Variants in AFG2A observed in about 807,000 individuals in gnomAD.
AFG2A encodes the protein ATPase family gene 2 protein homolog A.
At chr4:123,030,319 A>G in the AFG2A span, among the ~76,000 whole-genome samples, 1 of 152,338 alleles carries the variant, frequency 6.6e-6, no homozygotes, top group South Asian at 2.1e-4. Context: ...TTTCTGGACT[A>G]TCCTAGAATT....
the AFG2A span, among the ~76,000 whole-genome samples, chr4:123,045,834 G>A: frequency 6.6e-6 from 1 of 152,052 alleles, no homozygotes; most frequent in African/African-American, 2.4e-5. Context: ...GGTGGTTCAT[G>A]CCTGTAATCC....
chr4:123,086,794 A>C, the AFG2A span, among the ~76,000 whole-genome samples: 5 of 152,232 alleles, frequency 3.3e-5, no homozygotes, highest in African/African-American at 9.6e-5. Flanking sequence ...CCGTAAGTGC[A>C]GAGATTCTTT....
At chr4:123,220,875 ATGTTTT>A in the AFG2A span, among the ~76,000 whole-genome samples, 334 of 152,296 alleles carry the variant, frequency 2.2e-3, 2 homozygotes, top group Middle Eastern at 0.014. Flanking sequence ...AGATTGGCAC[ATGTTTT>A]TATGAGGTTA....
the AFG2A span, among the ~76,000 whole-genome samples, chr4:122,937,545 T>C: frequency 6.6e-6 from 1 of 152,110 alleles, no homozygotes; most frequent in Non-Finnish European, 1.5e-5. Context: ...CCAATGATAG[T>C]AGATGAAGTA....
the AFG2A span, among the ~76,000 whole-genome samples, chr4:123,282,545 A>T: frequency 1.3e-5 from 2 of 152,178 alleles, no homozygotes; most frequent in Non-Finnish European, 2.9e-5. Flanking sequence ...GGAAGTATCA[A>T]TTCGTGTTTT....
At chr4:122,975,220 C>T in the AFG2A span, among the ~76,000 whole-genome samples, 5 of 152,118 alleles carry the variant, frequency 3.3e-5, no homozygotes, top group African/African-American at 1.2e-4. Flanking sequence ...CAAGATGGTG[C>T]CTTGAATGCC....
the AFG2A span, among the ~76,000 whole-genome samples, chr4:123,293,946 G>A: frequency 6.6e-6 from 1 of 152,180 alleles, no homozygotes; most frequent in African/African-American, 2.4e-5. Flanking sequence ...TGAACTCTGT[G>A]ATAGGCTCTA....
At chr4:123,031,843 G>A in the AFG2A span, among the ~76,000 whole-genome samples, 1 of 152,210 alleles carries the variant, frequency 6.6e-6, no homozygotes, top group Non-Finnish European at 1.5e-5. Context: ...ACTGTACTCA[G>A]GGTGGAGACT....
At chr4:123,142,547 A>T in the AFG2A span, among the ~76,000 whole-genome samples, 1 of 152,190 alleles carries the variant, frequency 6.6e-6, no homozygotes, top group South Asian at 2.1e-4. Context: ...ATTTCCAAGG[A>T]ATCTATTCAT....
At chr4:123,093,738 A>G in the AFG2A span, among the ~76,000 whole-genome samples, 1 of 152,106 alleles carries the variant, frequency 6.6e-6, no homozygotes, top group African/African-American at 2.4e-5. Context: ...AGGAGTAAAA[A>G]TCTCTGGATA....
chr4:123,090,505 A>G, the AFG2A span: 4 of 1,537,292 alleles, frequency 2.6e-6, no homozygotes, highest in East Asian at 2.4e-5. Context: ...AGACTATAGA[A>G]CCTTTAAAAA....
chr4:123,134,442 TC>T, the AFG2A span, among the ~76,000 whole-genome samples: 22 of 152,304 alleles, frequency 1.4e-4, no homozygotes, highest in East Asian at 4.2e-3. Flanking sequence ...GCTCTCTCTG[TC>T]CTATTCCATT....
chr4:123,124,427 GAATTGA>G, the AFG2A span, among the ~76,000 whole-genome samples: 3 of 152,146 alleles, frequency 2.0e-5, no homozygotes, highest in Non-Finnish European at 2.9e-5. Flanking sequence ...TCATAGGTGG[GAATTGA>G]ACAATGAGAA....
At chr4:122,984,600 CT>C in the AFG2A span, among the ~76,000 whole-genome samples, 2 of 152,100 alleles carry the variant, frequency 1.3e-5, no homozygotes, top group South Asian at 4.1e-4. Context: ...TCATAGATGG[CT>C]TTTATTACAT....
At chr4:123,007,685 A>T in the AFG2A span, among the ~76,000 whole-genome samples, 2 of 143,406 alleles carry the variant, frequency 1.4e-5, no homozygotes, top group African/African-American at 5.2e-5. Context: ...ACCTTCTGCA[A>T]ATTTTAAAGG....
At chr4:123,233,279 G>GCACACACACA in the AFG2A span, among the ~76,000 whole-genome samples, 5 of 147,116 alleles carry the variant, frequency 3.4e-5, no homozygotes, top group South Asian at 4.4e-4. Context: ...ACACACACAC[G>GCACACACACA]CACACACACA....
At chr4:123,107,063 C>T in the AFG2A span, among the ~76,000 whole-genome samples, 13 of 152,326 alleles carry the variant, frequency 8.5e-5, no homozygotes, top group Non-Finnish European at 1.8e-4. Context: ...ACGAGGGGAA[C>T]ACAGTGGTGC....
At chr4:123,220,817 A>G in the AFG2A span, among the ~76,000 whole-genome samples, 3 of 152,174 alleles carry the variant, frequency 2.0e-5, no homozygotes, top group African/African-American at 7.2e-5. Flanking sequence ...TTTTGTAATT[A>G]AACAAAATCA....
the AFG2A span, among the ~76,000 whole-genome samples, chr4:122,978,245 T>G: frequency 6.6e-6 from 1 of 151,078 alleles, no homozygotes; most frequent in Admixed American, 6.6e-5. Context: ...GCAGGCAGGT[T>G]GCCCCAACGA....
Sources: gnomAD v4.1 joint callset for allele counts (sites outside exome capture counted in the v4.1 genomes callset) on GRCh38, gnomAD v4.1.1 for gene constraint, MANE v1.5 for transcripts, NCBI Gene and HGNC (gene_info 2026-07-23, HGNC 2026-07-21) for gene names.